DAD1: variants seen among roughly 807,000 people sequenced by gnomAD.
The protein encoded by DAD1 is defender against cell death 1.
A neutral mutation model predicts 9.0 loss-of-function variants in DAD1; 4 were observed. That is an observed-to-expected ratio of 0.44 (90% CI 0.22 to 1.01). The LOEUF (loss-of-function observed/expected upper bound fraction) is 1.01, where lower values mean the gene tolerates loss of function less well. Among genes scored for constraint, DAD1 ranks in the 50% least tolerant of loss-of-function variants. The probability of loss-of-function intolerance (pLI) is 0.24; values close to 1 mark genes in which losing one functional copy is unlikely to be tolerated. For missense variants in DAD1, 119 were observed against 137.3 expected (o/e 0.87, Z 0.67); for synonymous variants, 60 against 62.5 (o/e 0.96, Z 0.19).
chr14:22,567,911 C>A (rs760694365), intron 2 of DAD1, among the ~76,000 whole-genome samples: 1 of 152,088 alleles, frequency 6.6e-6, no homozygotes, highest in Non-Finnish European at 1.5e-5. Context: ...TCAATCTCTG[C>A]CAAATTTTTC....
chr14:22,584,929 T>C (rs975873706), intron 1 of DAD1, among the ~76,000 whole-genome samples: 1 of 152,208 alleles, frequency 6.6e-6, no homozygotes. Context: ...GTAGTCTTCA[T>C]AAGAGATATT....
At chr14:22,566,314 C>T (rs1157110267) in intron 2 of DAD1, among the ~76,000 whole-genome samples, 2 of 151,608 alleles carry the variant, frequency 1.3e-5, no homozygotes, top group African/African-American at 2.4e-5. Flanking sequence ...TGGCAATAGA[C>T]TATCAGCCAA....
At chr14:22,583,476 G>A (rs2037132053) in intron 1 of DAD1, among the ~76,000 whole-genome samples, 1 of 152,104 alleles carries the variant, frequency 6.6e-6, no homozygotes, top group Non-Finnish European at 1.5e-5. Context: ...AAGTAGTGAG[G>A]ACAGACCAAT....
rs546059092 is a variant in DAD1, at chr14:22,588,633, G to C, written c.211+314C>G. 2.8e-3 allele frequency among the ~76,000 whole-genome samples: 419 copies of C among 152,332 alleles called. 3 individuals carry two copies. Among genetic ancestry groups the C allele is most frequent in the Non-Finnish European group, 4.8e-3 (324 of 68,026 alleles). ...TCATTTGAAAAGTCTACTAATTTTA[G>C]AGTTGTGTTAAACCTAAGTTAAAGT... On this transcript the variant is annotated intron_variant, in intron 1 of 2. Coordinates refer to ENST00000250498, the MANE Select transcript of DAD1 (RefSeq NM_001344.4).
intron 1 of DAD1, among the ~76,000 whole-genome samples, chr14:22,587,520 G>A (rs182347644): frequency 8.5e-5 from 13 of 152,216 alleles, no homozygotes; most frequent in South Asian, 8.3e-4. Flanking sequence ...AGGCAAGGAC[G>A]CCACCACAGA....
intron 1 of DAD1, among the ~76,000 whole-genome samples, chr14:22,580,010 T>TTTG (rs79304295): frequency 6.6e-6 from 1 of 151,644 alleles, no homozygotes; most frequent in African/African-American, 2.4e-5. Flanking sequence ...TAGCTAATTT[T>TTTG]TTTGTTTGTT....
At chr14:22,584,721 G>A (rs931877605) in intron 1 of DAD1, among the ~76,000 whole-genome samples, 1 of 152,246 alleles carries the variant, frequency 6.6e-6, no homozygotes, top group Non-Finnish European at 1.5e-5. Flanking sequence ...GCAGAGGCAA[G>A]AGATGAAGCT....
chr14:22,565,989 C>T (rs140756408), intron 2 of DAD1, among the ~76,000 whole-genome samples: 3 of 152,300 alleles, frequency 2.0e-5, no homozygotes, highest in African/African-American at 4.8e-5. Context: ...TCAGAAGAAC[C>T]GGGCTGCCCC....
At chr14:22,570,255 G>A (rs1415854339) in intron 2 of DAD1, among the ~76,000 whole-genome samples, 1 of 152,102 alleles carries the variant, frequency 6.6e-6, no homozygotes, top group African/African-American at 2.4e-5. Flanking sequence ...TCAAACTAAG[G>A]AGGTGAAAAA....
At chr14:22,575,309 C>A (rs376097334) in intron 1 of DAD1, 76 bp from the exon 2 acceptor site, 1 of 1,507,796 alleles carries the variant, frequency 6.6e-7, no homozygotes, top group East Asian at 2.4e-5. Flanking sequence ...ACAGACATAC[C>A]CGAGGACCCA....
chr14:22,583,473 G>A (rs1266743295), intron 1 of DAD1, among the ~76,000 whole-genome samples: 1 of 152,106 alleles, frequency 6.6e-6, no homozygotes, highest in Non-Finnish European at 1.5e-5. Flanking sequence ...GTGAAGTAGT[G>A]AGGACAGACC....
At chr14:22,575,423 C>T (rs1487712469) in intron 1 of DAD1, among the ~76,000 whole-genome samples, 190 bp from the exon 2 acceptor site, 1 of 152,092 alleles carries the variant, frequency 6.6e-6, no homozygotes, top group Admixed American at 6.6e-5. Context: ...TGTCTATCAA[C>T]AGTAAAATGG....
chr14:22,588,672 T>C (rs943321537), intron 1 of DAD1, among the ~76,000 whole-genome samples: 2 of 152,220 alleles, frequency 1.3e-5, no homozygotes, highest in Non-Finnish European at 2.9e-5. Flanking sequence ...AATAGGGTTT[T>C]CCCCGGACCA....
At chr14:22,576,722 T>C (rs952065572) in intron 1 of DAD1, among the ~76,000 whole-genome samples, 12 of 152,300 alleles carry the variant, frequency 7.9e-5, no homozygotes, top group African/African-American at 2.4e-4. Context: ...AAATCACTTA[T>C]CTGATAAAGG....
intron 2 of DAD1, among the ~76,000 whole-genome samples, 195 bp from the exon 3 acceptor site, chr14:22,565,332 A>AT (rs1385409924): frequency 2.0e-5 from 3 of 152,240 alleles, no homozygotes; most frequent in Non-Finnish European, 4.4e-5. Context: ...ATCCAGAAAA[A>AT]TTAATGTCAA....
At chr14:22,571,996 G>A (rs1032518897) in intron 2 of DAD1, among the ~76,000 whole-genome samples, 6 of 152,232 alleles carry the variant, frequency 3.9e-5, no homozygotes, top group African/African-American at 1.4e-4. Flanking sequence ...CTATCCTCGT[G>A]AAATTATTCT....
rs1455430701 is a variant in DAD1 at position 22,575,213 on chromosome 14, T to A, written c.232A>T (p.Asn78Tyr). ...ILAVCLRIQI[N>Y]PQNKADFQGI... is the part of the protein sequence containing the mutation. The stretch of plus-strand genomic sequence containing the variant: ...TGGAAATCCGCTTTGTTCTGTGGGT[T>A]GATCTGTATTCTCAGGCAAACTGCA... Residue 78 changes from asparagine (N) to tyrosine (Y), a missense_variant, in exon 2 of 3, where the codon AAC becomes TAC. Coordinates refer to ENST00000250498, the MANE Select transcript of DAD1 (RefSeq NM_001344.4). 1.9e-6 allele frequency: 3 copies of A among 1,614,020 alleles called. No individual in the cohort carries two copies. The highest frequency in any genetic ancestry group is 2.5e-6 in the Non-Finnish European group (3 of 1,179,988).
Position 22,569,432 on chromosome 14 carries a change from CAA to C in DAD1, c.*45-4297_*45-4296del, listed in dbSNP as rs34250775. ...TGGACAACAAAGCGAGACTCCGTCT[CAA>C]AAAAAAAAAAAAAGGTTTATTCATT... is the stretch of plus-strand genomic sequence containing the variant. On this transcript the variant is annotated intron_variant, in intron 2 of 2. Coordinates refer to ENST00000250498, the MANE Select transcript of DAD1 (RefSeq NM_001344.4). Among the ~76,000 whole-genome samples the C allele has an allele frequency of 4.6e-3, 581 of 126,616 alleles. 1 individual carries two copies. Among genetic ancestry groups the C allele is most frequent in the Non-Finnish European group, 7.0e-3 (408 of 58,288 alleles). The allele number at this position is 126,616 out of a possible 152,430, so 83.1% of individuals were successfully genotyped here.
chr14:22,576,250 C>A (rs1052684990), intron 1 of DAD1, among the ~76,000 whole-genome samples: 2 of 152,140 alleles, frequency 1.3e-5, no homozygotes, highest in African/African-American at 2.4e-5. Flanking sequence ...ACATTTACTA[C>A]AGTTAAAAAA....
Sources: allele counts gnomAD v4.1 joint callset (sites outside exome capture counted in the v4.1 genomes callset), GRCh38; gene constraint gnomAD v4.1.1; transcripts MANE v1.5; gene names NCBI Gene and HGNC (gene_info 2026-07-23, HGNC 2026-07-21).